The following IPO9 variants were observed in gnomAD, a reference collection of about 807,000 sequenced individuals.
IPO9 encodes importin-9.
A neutral mutation model predicts 128.6 loss-of-function variants in IPO9; 28 were observed. That is an observed-to-expected ratio of 0.22 (90% CI 0.16 to 0.30). IPO9 has a LOEUF of 0.30. Among genes scored for constraint, IPO9 ranks in the 10% least tolerant of loss-of-function variants. The pLI is 1.00. For synonymous variants in IPO9, 455 were observed against 475.8 expected (o/e 0.96, Z 0.57); for missense variants, 935 against 1,293.9 (o/e 0.72, Z 4.26).
intron 1 of IPO9, among the ~76,000 whole-genome samples, chr1:201,846,069 C>G (rs1197827819): frequency 2.6e-5 from 4 of 152,204 alleles, no homozygotes; most frequent in African/African-American, 4.8e-5. Context: ...TACTATGCCA[C>G]TGCACTCCAG....
intron 15 of IPO9, 72 bp from the exon 16 acceptor site, chr1:201,868,576 C>G (rs1027349042): frequency 6.0e-6 from 9 of 1,512,492 alleles, no homozygotes; most frequent in South Asian, 1.3e-5. Context: ...GGCCAAACAA[C>G]AGGCATCATT....
intron 1 of IPO9, among the ~76,000 whole-genome samples, chr1:201,834,502 T>C (rs923240378): frequency 1.3e-5 from 2 of 152,194 alleles, no homozygotes; most frequent in African/African-American, 4.8e-5. Flanking sequence ...TATCTTAAAA[T>C]GAAGTTCTTT....
chr1:201,852,485 C>A (rs903602849), intron 5 of IPO9, among the ~76,000 whole-genome samples: 5 of 152,210 alleles, frequency 3.3e-5, no homozygotes, highest in Non-Finnish European at 7.3e-5. Context: ...CAGCCTCTTA[C>A]TGAGTTATCC....
At chr1:201,848,311 C>G in intron 3 of IPO9, 82 bp from the exon 4 acceptor site, 2 of 1,204,796 alleles carry the variant, frequency 1.7e-6, no homozygotes, top group Non-Finnish European at 2.5e-6. Context: ...CATTGTTTTT[C>G]CAACACAGTT....
At chr1:201,831,020 TG>T (rs1194039220) in intron 1 of IPO9, among the ~76,000 whole-genome samples, 1 of 152,166 alleles carries the variant, frequency 6.6e-6, no homozygotes, top group Non-Finnish European at 1.5e-5. Flanking sequence ...TTTTTTTTCT[TG>T]AGACTGGGTC....
Position 201,870,538 on chromosome 1 carries a change from C to A in IPO9, c.2134-45C>A, listed in dbSNP as rs373106846. On this transcript the variant is annotated intron_variant, in intron 17 of 23. Transcript: ENST00000361565. This position sits in a 1 kb window ranked among gnomAD's most constrained non-coding sequence, Gnocchi z 4.9. Reference sequence around the variant, plus strand: ...ATACAGACTGAGGGCCTTCTGGCATCTGTCCCTCGATTACTAATCTTGCTT... The same window carrying A: ...ATACAGACTGAGGGCCTTCTGGCATATGTCCCTCGATTACTAATCTTGCTT... 6.3e-7 allele frequency: 1 copy of A among 1,584,286 alleles called. No homozygotes were observed. The highest frequency in any genetic ancestry group is 1.1e-5 in the South Asian group (1 of 87,238).
At chr1:201,859,026 A>T in intron 13 of IPO9, 32 bp downstream of exon 13, 2 of 1,587,028 alleles carry the variant, frequency 1.3e-6, no homozygotes, top group Non-Finnish European at 1.7e-6. Context: ...GATTCTAGAA[A>T]CTCTTTAAAC....
At position 201,846,258 on chromosome 1, in the gene IPO9, T is replaced by C. The variant is rs74653300; in HGVS notation, c.164-1021T>C. 5.2e-5 allele frequency among the ~76,000 whole-genome samples: 8 copies of C among 152,392 alleles called. No individual in the cohort carries two copies. In the East Asian group the frequency reaches 1.5e-3, roughly 29 times the overall value. On this transcript the variant is annotated intron_variant, in intron 1 of 23. Coordinates refer to ENST00000361565, the MANE Select transcript of IPO9 (RefSeq NM_018085.5). ...GACTAAGTTTGTTGAAGCCAGGTTT[T>C]CTTGGACTTAATCAGCTCATAACTG... is the stretch of plus-strand genomic sequence containing the variant.
intron 4 of IPO9, 145 bp downstream of exon 4, chr1:201,848,739 C>T (rs1379566175): frequency 1.3e-6 from 1 of 756,074 alleles, no homozygotes; most frequent in Non-Finnish European, 2.2e-6. Flanking sequence ...TCTCCATCTA[C>T]CCTCCAGCTC....
chr1:201,829,238 C>CCAG lies in IPO9; in HGVS notation c.30_31insAGC (p.Ser11dup). 6.4e-7 allele frequency: 1 copy of CCAG among 1,572,204 alleles called. No individual in the cohort carries two copies. Among genetic ancestry groups the CCAG allele is most frequent in the Non-Finnish European group, 8.6e-7 (1 of 1,163,390 alleles). On this transcript the variant is annotated inframe_insertion, in exon 1 of 24. Coordinates refer to ENST00000361565, the MANE Select transcript of IPO9 (RefSeq NM_018085.5). ...GCGGCGGCGGCGGCAGCTGGTGCGGCCTCCGGGCTGCCGGGTCCAGTGGCA... is the reference window on the plus strand; with the variant it reads ...GCGGCGGCGGCGGCAGCTGGTGCGGCCAGCTCCGGGCTGCCGGGTCCAGTGGCA...
At chr1:201,855,645 C>T (rs1680316446) in intron 9 of IPO9, 138 bp from the exon 10 acceptor site, 2 of 761,350 alleles carry the variant, frequency 2.6e-6, no homozygotes, top group Non-Finnish European at 4.1e-6. Flanking sequence ...AGCCCTCTCT[C>T]CCAATTCCTC....
rs1680764832 is a variant in IPO9 at position 201,876,422 on chromosome 1, A to G, written c.*368A>G. The G allele has an allele frequency of 2.7e-6, 1 of 373,820 alleles. No homozygotes were observed. The highest frequency in any genetic ancestry group is 6.7e-5 in the East Asian group (1 of 14,952). The allele number at this position is 373,820 out of a possible 1,614,324, so 23.2% of individuals were successfully genotyped here. A position where few individuals can be genotyped will look rare whatever the true frequency, so the allele number is the denominator to read the frequency against. ...CCCCGCCTCAGGAGCGCAGGAAGTC[A>G]CTACCATTTATATTCTAAAACAGAC... On this transcript the variant is annotated 3_prime_UTR_variant, in exon 24 of 24. Coordinates refer to ENST00000361565, the MANE Select transcript of IPO9 (RefSeq NM_018085.5).
chr1:201,836,952 A>G (rs1571537999), intron 1 of IPO9, among the ~76,000 whole-genome samples: 1 of 152,232 alleles, frequency 6.6e-6, no homozygotes. Context: ...TTTCTTTGCC[A>G]TTATATATCT....
intron 5 of IPO9, 119 bp from the exon 6 acceptor site, chr1:201,852,892 G>A: frequency 1.3e-6 from 1 of 743,930 alleles, no homozygotes; most frequent in Admixed American, 2.2e-5. Context: ...CATTTCTCGA[G>A]GGCATCCAAT....
At chr1:201,873,015 T>C in intron 20 of IPO9, 54 bp downstream of exon 20, 1 of 1,543,128 alleles carries the variant, frequency 6.5e-7, no homozygotes. Context: ...GGGCTAAGGA[T>C]ACCTGGGTGA....
rs1680882512 is a variant in IPO9, at chr1:201,881,449, A to G, written c.*5395A>G. On this transcript the variant is annotated 3_prime_UTR_variant, in exon 24 of 24. Coordinates refer to ENST00000361565, the MANE Select transcript of IPO9 (RefSeq NM_018085.5). Reference sequence around the variant, plus strand: ...TTCCTGTGCATTTGCCAGGCAGATGAGAGTGGGGTAAGACATTGCAGAGAA... The same window carrying G: ...TTCCTGTGCATTTGCCAGGCAGATGGGAGTGGGGTAAGACATTGCAGAGAA... The G allele has an allele frequency of 6.6e-6, 1 of 152,186 alleles. No homozygotes were observed. The highest frequency in any genetic ancestry group is 1.5e-5 in the Non-Finnish European group (1 of 68,046). 9.4% of individuals were successfully genotyped at this position (152,186 alleles called of 1,614,324 possible).
rs1198045658 is a variant in IPO9, at chr1:201,868,746, G to A, written c.1954G>A (p.Val652Ile). 1 of 1,613,918 alleles carries A rather than the reference G, an allele frequency of 6.2e-7. No homozygotes were observed. Among genetic ancestry groups the A allele is most frequent in the Non-Finnish European group, 8.5e-7 (1 of 1,179,966 alleles). ...PMQMRLIPTL[V>I]SIMQAPADKI... ...GCAAATGAGGCTGATTCCCACTCTG[G>A]TCAGCATAATGCAGGCCCCAGCAGA... The change falls in exon 16 of 24, where the codon GTC becomes ATC. Residue 652 changes from valine (V) to isoleucine (I), a missense_variant. Around this residue, in one of 3 missense-constraint regions of IPO9, gnomAD observed 741 missense variants for 1,019.1 expected, o/e 0.73. Transcript: ENST00000361565.
chr1:201,875,290 G>A, intron 23 of IPO9, 62 bp downstream of exon 23: 1 of 1,420,868 alleles, frequency 7.0e-7, no homozygotes, highest in Non-Finnish European at 1.0e-6. Context: ...ACAGGAATAT[G>A]GGCTCAAATC....
chr1:201,866,290 C>T (rs1047259572), intron 14 of IPO9, among the ~76,000 whole-genome samples: 37 of 152,130 alleles, frequency 2.4e-4, no homozygotes, highest in African/African-American at 8.7e-4. Flanking sequence ...CGTGCCTGGT[C>T]CTAGACAATG....
Sources: allele counts gnomAD v4.1 joint callset (sites outside exome capture counted in the v4.1 genomes callset), GRCh38; gene constraint gnomAD v4.1.1; regional missense constraint gnomAD v4.1.1; non-coding constraint Gnocchi (gnomAD v3.1); transcripts MANE v1.5; gene names NCBI Gene and HGNC (gene_info 2026-07-23, HGNC 2026-07-21).